Variants in CDH10 observed in about 807,000 individuals in gnomAD.
CDH10 encodes the protein cadherin-10.
In CDH10, 30 loss-of-function variants were observed where a neutral mutation model predicts 73.1. That is an observed-to-expected ratio of 0.41 (90% CI 0.31 to 0.56). CDH10 has a LOEUF of 0.56. CDH10 is among the 20% of genes least tolerant of loss of function. The pLI, the probability that CDH10 is intolerant of heterozygous loss-of-function variation, is 0.27. For synonymous variants in CDH10, 345 were observed against 348.2 expected, an observed-to-expected ratio of 0.99 and a Z score of 0.10; for missense variants, 815 against 973.7, an observed-to-expected ratio of 0.84 and a Z score of 2.17.
At chr5:24,594,822 T>C (rs78105683) in intron 1 of CDH10, among the ~76,000 whole-genome samples, 3,398 of 151,942 alleles carry the variant, frequency 0.022, 116 homozygotes, top group African/African-American at 0.073. Context: ...GTACATATTC[T>C]GTTTTTCTTC....
In CDH10 at chr5:24,537,692, G is replaced by A. The variant is rs1229678817; in HGVS notation, c.232-18C>T. ...GAATGTAGCTAGGGGAAATAAAAAA[G>A]AGTATATCCATGATCATGTATAAAG... On this transcript the variant is annotated intron_variant, in intron 2 of 11. Transcript: ENST00000264463. 1 of 1,501,480 alleles carries A rather than the reference G, an allele frequency of 6.7e-7. No homozygotes were observed. Among genetic ancestry groups the A allele is most frequent in the Non-Finnish European group, 9.1e-7 (1 of 1,095,258 alleles). 93.0% of individuals were successfully genotyped at this position (1,501,480 alleles called of 1,614,324 possible).
At chr5:24,590,982 A>G (rs562401393) in intron 2 of CDH10, among the ~76,000 whole-genome samples, 9 of 152,042 alleles carry the variant, frequency 5.9e-5, no homozygotes, top group Non-Finnish European at 1.3e-4. Context: ...AGAAAATATG[A>G]CTGTGATAAA....
chr5:24,567,027 C>G (rs985604635), intron 2 of CDH10, among the ~76,000 whole-genome samples: 1 of 151,948 alleles, frequency 6.6e-6, no homozygotes, highest in East Asian at 1.9e-4. Context: ...TTGGGCAAAC[C>G]TCAGAAACAT....
chr5:24,532,432 G>A (rs1743785332), intron 5 of CDH10, among the ~76,000 whole-genome samples: 1 of 151,948 alleles, frequency 6.6e-6, no homozygotes, highest in South Asian at 2.1e-4. Context: ...AAAAATAGAT[G>A]GTCAGTTTAA....
At position 24,511,555 on chromosome 5, in the gene CDH10, G is replaced by C. The variant is rs745949100; in HGVS notation, c.815-41C>G. The C allele has an allele frequency of 4.8e-3, 1,009 of 210,214 alleles. 3 individuals carry two copies. The highest frequency in any genetic ancestry group is 0.022 in the African/African-American group (506 of 23,256). The allele number at this position is 210,214 out of a possible 1,614,324, so 13.0% of individuals were successfully genotyped here. A position where few individuals can be genotyped will look rare whatever the true frequency, so the allele number is the denominator to read the frequency against. Reference sequence around the variant, plus strand: ...AAAAGAAGAGAGAGACAGAGAGAGAGAGAGAGAGAGAGAGAGAGAGAGAGA... The same window carrying C: ...AAAAGAAGAGAGAGACAGAGAGAGACAGAGAGAGAGAGAGAGAGAGAGAGA... On this transcript the variant is annotated intron_variant, in intron 5 of 11. Transcript: ENST00000264463.
chr5:24,494,642 A>G lies in CDH10; in HGVS notation c.1516-1717T>C, dbSNP rs142524964. Among the ~76,000 whole-genome samples the G allele has an allele frequency of 9.5e-3, 1,446 of 152,194 alleles. 32 individuals carry two copies. Among genetic ancestry groups the G allele is most frequent in the African/African-American group, 0.033 (1,368 of 41,584 alleles). On this transcript the variant is annotated intron_variant, in intron 9 of 11. Coordinates refer to ENST00000264463, the MANE Select transcript of CDH10 (RefSeq NM_006727.5). Reference sequence around the variant, plus strand: ...AAGTATAATTTCAATTTATTTTTACAGATCAAAATAATGCAGTTCAGAAAA... The same window carrying G: ...AAGTATAATTTCAATTTATTTTTACGGATCAAAATAATGCAGTTCAGAAAA...
intron 1 of CDH10, among the ~76,000 whole-genome samples, chr5:24,600,119 A>T (rs949044465): frequency 6.6e-5 from 10 of 152,194 alleles, no homozygotes; most frequent in Non-Finnish European, 1.2e-4. Context: ...ACTTATCAAA[A>T]AAGACAATAC....
intron 1 of CDH10, among the ~76,000 whole-genome samples, chr5:24,639,482 T>C (rs1356378607): frequency 2.0e-5 from 3 of 151,708 alleles, no homozygotes; most frequent in African/African-American, 4.8e-5. Context: ...ACATTAACCA[T>C]AGAGAGAATT....
chr5:24,624,135 T>A (rs1747411472), intron 1 of CDH10, among the ~76,000 whole-genome samples: 1 of 152,096 alleles, frequency 6.6e-6, no homozygotes, highest in South Asian at 2.1e-4. Flanking sequence ...CAAGGAGCGG[T>A]GTCCTGTGGT....
In CDH10 at chr5:24,630,488, A is replaced by C. The variant is rs1747666791; in HGVS notation, c.-124+14106T>G. Among the ~76,000 whole-genome samples, 3 of 151,272 alleles carry C rather than the reference A, an allele frequency of 2.0e-5. No individual in the cohort carries two copies. In the South Asian group the frequency reaches 6.3e-4, roughly 32 times the overall value. On this transcript the variant is annotated intron_variant, in intron 1 of 11. Coordinates refer to ENST00000264463, the MANE Select transcript of CDH10 (RefSeq NM_006727.5). The stretch of plus-strand genomic sequence containing the variant: ...GAATTGCTTGAACCCAGGAGGCGGA[A>C]GCTGCAGTGATCTGAGATTGTGCCA...
At chr5:24,644,346 A>T (rs916998945) in intron 1 of CDH10, among the ~76,000 whole-genome samples, 4 of 152,170 alleles carry the variant, frequency 2.6e-5, no homozygotes, top group African/African-American at 9.6e-5. Context: ...ATCATGACCC[A>T]CTGTTGAGCA....
intron 2 of CDH10, among the ~76,000 whole-genome samples, chr5:24,574,666 G>T (rs143714652): frequency 1.2e-5 from 1 of 80,964 alleles, no homozygotes; most frequent in East Asian, 5.4e-4. Flanking sequence ...CACAAAGGAA[G>T]TAACACCAGA....
chr5:24,562,979 C>T (rs1183345878), intron 2 of CDH10, among the ~76,000 whole-genome samples: 1 of 152,160 alleles, frequency 6.6e-6, no homozygotes, highest in East Asian at 1.9e-4. Context: ...CATTCTTACC[C>T]GATCTCAAAT....
rs73743674 is a variant in CDH10 at position 24,601,499 on chromosome 5, A to G, written c.-123-7886T>C. 3.9e-3 allele frequency among the ~76,000 whole-genome samples: 588 copies of G among 152,266 alleles called. 1 individual carries two copies. Among genetic ancestry groups the G allele is most frequent in the African/African-American group, 0.012 (508 of 41,570 alleles). On this transcript the variant is annotated intron_variant, in intron 1 of 11. Transcript: ENST00000264463. Reference sequence around the variant, plus strand: ...AGCTAGCTTCCAGTTTGCTGAACACAGATAAGACAGACCCACTGGGAGTTG... The same window carrying G: ...AGCTAGCTTCCAGTTTGCTGAACACGGATAAGACAGACCCACTGGGAGTTG...
At chr5:24,552,829 A>T (rs1334909902) in intron 2 of CDH10, among the ~76,000 whole-genome samples, 1 of 151,942 alleles carries the variant, frequency 6.6e-6, no homozygotes, top group Non-Finnish European at 1.5e-5. Flanking sequence ...AAATTTCCTC[A>T]TCAATCTCCT....
At chr5:24,528,868 C>G (rs1174376488) in intron 5 of CDH10, among the ~76,000 whole-genome samples, 1 of 151,942 alleles carries the variant, frequency 6.6e-6, no homozygotes, top group Non-Finnish European at 1.5e-5. Context: ...TAACCTGGAT[C>G]CGCAACCTGC....
chr5:24,620,201 T>A (rs574992803), intron 1 of CDH10, among the ~76,000 whole-genome samples: 5 of 152,300 alleles, frequency 3.3e-5, no homozygotes, highest in Admixed American at 3.3e-4. Context: ...AACACATCAA[T>A]AGTTTTTCTA....
chr5:24,564,171 G>A (rs1350296260), intron 2 of CDH10, among the ~76,000 whole-genome samples: 1 of 152,144 alleles, frequency 6.6e-6, no homozygotes, highest in African/African-American at 2.4e-5. Flanking sequence ...GCTTTCCCCA[G>A]ACCCTCTTCA....
At chr5:24,571,736 G>A (rs1335802809) in intron 2 of CDH10, among the ~76,000 whole-genome samples, 1 of 152,016 alleles carries the variant, frequency 6.6e-6, no homozygotes, top group Non-Finnish European at 1.5e-5. Context: ...GTATCAATGA[G>A]CTGGCAAATC....
Sources: allele counts gnomAD v4.1 joint callset (sites outside exome capture counted in the v4.1 genomes callset), GRCh38; gene constraint gnomAD v4.1.1; transcripts MANE v1.5; gene names NCBI Gene and HGNC (gene_info 2026-07-23, HGNC 2026-07-21).